Variants in ANKRD27 observed in about 807,000 individuals in gnomAD.
The protein encoded by ANKRD27 is ankyrin repeat domain 27, also known as ankyrin repeat domain-containing protein 27.
ANKRD27 carries 112 observed loss-of-function variants against 129.7 expected under a neutral mutation model. The ratio of observed to expected loss-of-function variants is 0.86; its 90% CI spans 0.74 to 1.01. ANKRD27 has a LOEUF of 1.01. ANKRD27 is among the 50% of genes least tolerant of loss of function. The probability of loss-of-function intolerance (pLI) is 0.00; values close to 1 mark genes in which losing one functional copy is unlikely to be tolerated. For missense variants in ANKRD27, 1,258 were observed against 1,300.5 expected, an observed-to-expected ratio of 0.97 and a Z score of 0.50; for synonymous variants, 516 against 511.2, an observed-to-expected ratio of 1.01 and a Z score of -0.13.
chr19:32,656,762 G>C (rs62124328), intron 2 of ANKRD27, among the ~76,000 whole-genome samples: 11,697 of 150,042 alleles, frequency 0.078, 803 homozygotes, highest in East Asian at 0.26. Flanking sequence ...TCTAGCCCAG[G>C]CTGGGGGACA....
chr19:32,615,509 A>G, intron 22 of ANKRD27, 149 bp downstream of exon 22: 1 of 1,230,956 alleles, frequency 8.1e-7, no homozygotes, highest in Non-Finnish European at 1.2e-6. Flanking sequence ...ATTTGAGCCC[A>G]GGCGGTTGAG....
intron 12 of ANKRD27, chr19:32,639,017 G>T: frequency 2.4e-6 from 1 of 418,354 alleles, no homozygotes; most frequent in South Asian, 7.9e-5. Flanking sequence ...ACAGTCCAGG[G>T]ATCCCGTGAC....
chr19:32,674,343 C>T (rs1310897840), intron 1 of ANKRD27, among the ~76,000 whole-genome samples: 1 of 152,172 alleles, frequency 6.6e-6, no homozygotes, highest in Non-Finnish European at 1.5e-5. Flanking sequence ...TCGTTCCCTG[C>T]ATGCTCTAAA....
chr19:32,614,306 G>C (rs1035243662), intron 22 of ANKRD27, among the ~76,000 whole-genome samples: 2 of 152,096 alleles, frequency 1.3e-5, no homozygotes, highest in Non-Finnish European at 2.9e-5. Flanking sequence ...TAAAACACTG[G>C]GCTAGAAAAG....
chr19:32,658,164 G>A (rs536334929), intron 2 of ANKRD27, among the ~76,000 whole-genome samples: 2 of 152,134 alleles, frequency 1.3e-5, no homozygotes, highest in African/African-American at 2.4e-5. Flanking sequence ...AGAGAGTAGG[G>A]GACAACAGAC....
At chr19:32,601,050 G>C (rs942572232) in intron 26 of ANKRD27, among the ~76,000 whole-genome samples, 2 of 152,162 alleles carry the variant, frequency 1.3e-5, no homozygotes, top group African/African-American at 4.8e-5. Context: ...TGTAACTCCA[G>C]CACTTTGGGA....
At position 32,597,295 on chromosome 19, in the gene ANKRD27, C is replaced by T. The variant is rs752834048; in HGVS notation, c.*850G>A. ...GGAATAAATGGCAATAAATTCTAAC[C>T]GAAAGTAACTCTGACCTGGTTTGTG... On this transcript the variant is annotated 3_prime_UTR_variant, in exon 29 of 29. Coordinates refer to ENST00000306065, the MANE Select transcript of ANKRD27 (RefSeq NM_032139.3). The T allele has an allele frequency of 3.3e-5, 5 of 152,504 alleles. No individual in the cohort carries two copies. The highest frequency in any genetic ancestry group is 7.4e-5 in the Non-Finnish European group (5 of 68,002). The allele number at this position is 152,504 out of a possible 1,614,324, so 9.4% of individuals were successfully genotyped here. A position where few individuals can be genotyped will look rare whatever the true frequency, so the allele number is the denominator to read the frequency against.
rs758592625 is a variant in ANKRD27 at position 32,649,788 on chromosome 19, A to G, written c.107T>C (p.Leu36Ser). Residue 36 changes from leucine to serine, a missense_variant, in exon 3 of 29, where the codon TTA (leucine) becomes TCA (serine). Leu to Ser is a moderately radical substitution (Grantham distance 145). Coordinates refer to ENST00000306065, the MANE Select transcript of ANKRD27 (RefSeq NM_032139.3). ...CGACAGGCTTCCTTTGCAGGGTACT[A>G]AGACCTGGAAAAAACAATTCGGGGC... The part of the protein sequence containing the change: ...SKVAQIHGIV[L>S]VPCKGSLSSS... 3.1e-6 allele frequency: 5 copies of G among 1,610,156 alleles called. No homozygotes were observed. The highest frequency in any genetic ancestry group is 4.2e-6 in the Non-Finnish European group (5 of 1,176,592).
At chr19:32,631,732 CCT>C (rs1437982936) in intron 12 of ANKRD27, among the ~76,000 whole-genome samples, 2 of 152,138 alleles carry the variant, frequency 1.3e-5, no homozygotes, top group African/African-American at 4.8e-5. Flanking sequence ...GTGGCGGCAC[CCT>C]GACTGCGTGT....
intron 2 of ANKRD27, among the ~76,000 whole-genome samples, chr19:32,651,474 A>G (rs1333402988): frequency 6.6e-6 from 1 of 151,960 alleles, no homozygotes; most frequent in Non-Finnish European, 1.5e-5. Context: ...GATTCACACG[A>G]TTCTCCTGCC....
chr19:32,645,133 G>T (rs866193686), intron 4 of ANKRD27, among the ~76,000 whole-genome samples: 1 of 152,108 alleles, frequency 6.6e-6, no homozygotes, highest in Non-Finnish European at 1.5e-5. Flanking sequence ...TAATTTATTG[G>T]CCGGGCGCAG....
chr19:32,624,366 CAAA>C (rs546163855), intron 17 of ANKRD27, among the ~76,000 whole-genome samples: 7 of 72,756 alleles, frequency 9.6e-5, no homozygotes, highest in Admixed American at 1.5e-4. Context: ...GACTCCGTCT[CAAA>C]AAAAAAAAAA....
At chr19:32,639,644 T>C (rs1967158590) in intron 11 of ANKRD27, among the ~76,000 whole-genome samples, 156 bp from the exon 12 acceptor site, 1 of 152,146 alleles carries the variant, frequency 6.6e-6, no homozygotes, top group African/African-American at 2.4e-5. Flanking sequence ...GCAGAGTGTG[T>C]GCGATTAGGA....
At chr19:32,642,190 G>T in intron 9 of ANKRD27, 45 bp from the exon 10 acceptor site, 1 of 1,523,774 alleles carries the variant, frequency 6.6e-7, no homozygotes, top group Non-Finnish European at 8.9e-7. Flanking sequence ...CACAGTAAGA[G>T]AACCCTCTGG....
chr19:32,645,597 C>T (rs1050828894), intron 4 of ANKRD27, among the ~76,000 whole-genome samples: 8 of 151,586 alleles, frequency 5.3e-5, no homozygotes, highest in African/African-American at 1.9e-4. Flanking sequence ...CACCACCATG[C>T]CCGGCTAATT....
At chr19:32,622,714 G>A in intron 17 of ANKRD27, 95 bp from the exon 18 acceptor site, 3 of 1,118,272 alleles carry the variant, frequency 2.7e-6, no homozygotes, top group Non-Finnish European at 4.0e-6. Context: ...CAAATGTGCA[G>A]TAACAGACAG....
At chr19:32,606,298 G>A (rs755241884) in intron 23 of ANKRD27, among the ~76,000 whole-genome samples, 12 of 151,870 alleles carry the variant, frequency 7.9e-5, no homozygotes, top group Non-Finnish European at 1.2e-4. Context: ...GACTACAGGC[G>A]CCTGCCACCA....
chr19:32,657,254 G>A (rs543538376), intron 2 of ANKRD27, among the ~76,000 whole-genome samples: 1 of 152,136 alleles, frequency 6.6e-6, no homozygotes, highest in African/African-American at 2.4e-5. Context: ...ACGAGGTCAG[G>A]AGATCGAGAC....
chr19:32,667,810 C>T (rs150047279), intron 1 of ANKRD27, among the ~76,000 whole-genome samples: 1,676 of 132,176 alleles, frequency 0.013, 45 homozygotes, highest in African/African-American at 0.045. Context: ...CCAGCCTGGG[C>T]GACAAGAGTG....
Sources: allele counts gnomAD v4.1 joint callset (sites outside exome capture counted in the v4.1 genomes callset), GRCh38; gene constraint gnomAD v4.1.1; transcripts MANE v1.5; gene names NCBI Gene and HGNC (gene_info 2026-07-23, HGNC 2026-07-21).